The following PLSCR2 variants were observed in gnomAD, a reference collection of about 807,000 sequenced individuals.
The protein encoded by PLSCR2 is phospholipid scramblase 2, also known as PL scramblase 2.
PLSCR2 carries 18 observed loss-of-function variants against 25.3 expected under a neutral mutation model. The observed-to-expected ratio is 0.71, with a 90% confidence interval of 0.49 to 1.06. The LOEUF is 1.06. PLSCR2 is among the 50% of genes least tolerant of loss of function. The probability of loss-of-function intolerance (pLI) is 0.00; values close to 1 mark genes in which losing one functional copy is unlikely to be tolerated. For missense variants in PLSCR2, 243 were observed against 269.5 expected (o/e 0.90, Z 0.69); for synonymous variants, 88 against 87.3 (o/e 1.01, Z -0.04).
chr3:146,479,687 T>TGTTA (rs923812015), intron 1 of PLSCR2, among the ~76,000 whole-genome samples: 64 of 152,208 alleles, frequency 4.2e-4, no homozygotes, highest in African/African-American at 1.4e-3. Context: ...TGAGACAGAA[T>TGTTA]GTTAGCAAGG....
chr3:146,484,222 G>A (rs1395534223), intron 1 of PLSCR2, among the ~76,000 whole-genome samples: 1 of 149,446 alleles, frequency 6.7e-6, no homozygotes, highest in Non-Finnish European at 1.5e-5. Context: ...AAATAAGGCA[G>A]GCATACAAGA....
downstream of PLSCR2, among the ~76,000 whole-genome samples, chr3:146,439,773 C>T (rs940080993): frequency 6.6e-6 from 1 of 152,180 alleles, no homozygotes; most frequent in Non-Finnish European, 1.5e-5. Context: ...CTTCTCTCAA[C>T]TCGTCAAAGT....
At chr3:146,452,877 AC>A (rs1048090234) in intron 5 of PLSCR2, among the ~76,000 whole-genome samples, 1 of 151,868 alleles carries the variant, frequency 6.6e-6, no homozygotes, top group African/African-American at 2.4e-5. Context: ...CATATTACAC[AC>A]TCACATACCC....
intron 1 of PLSCR2, among the ~76,000 whole-genome samples, chr3:146,492,825 T>C (rs186711316): frequency 1.3e-5 from 2 of 152,058 alleles, no homozygotes; most frequent in South Asian, 2.1e-4. Flanking sequence ...GAATATGAGA[T>C]GTGAAAAACC....
intron 2 of PLSCR2, among the ~76,000 whole-genome samples, chr3:146,412,106 GA>G (rs1214743127): frequency 6.6e-6 from 1 of 152,200 alleles, no homozygotes; most frequent in Non-Finnish European, 1.5e-5. Flanking sequence ...ATGATTAAAG[GA>G]AAAGGGAGAG....
chr3:146,406,766 T>C (rs1290144600), intron 2 of PLSCR2, among the ~76,000 whole-genome samples: 1 of 152,080 alleles, frequency 6.6e-6, no homozygotes, highest in Non-Finnish European at 1.5e-5. Flanking sequence ...GTGAGGATGA[T>C]GGTGTGAGGT....
At chr3:146,466,690 C>T (rs1036349414) in intron 1 of PLSCR2, among the ~76,000 whole-genome samples, 10 of 152,144 alleles carry the variant, frequency 6.6e-5, no homozygotes, top group Non-Finnish European at 1.3e-4. Flanking sequence ...TGGGAGTTTT[C>T]CTTTCTTCTT....
exon 1 of PLSCR2, chr3:146,460,255 C>T: frequency 7.3e-7 from 1 of 1,360,580 alleles, no homozygotes; most frequent in Non-Finnish European, 9.4e-7. Context: ...TCTGTGGTTT[C>T]ACATTCACTT....
intron 6 of PLSCR2, among the ~76,000 whole-genome samples, chr3:146,447,778 C>T (rs549584959): frequency 6.6e-6 from 1 of 152,200 alleles, no homozygotes; most frequent in Admixed American, 6.5e-5. Flanking sequence ...GAATTGTGGT[C>T]CTTGTGGCTT....
intron 8 of PLSCR2, among the ~76,000 whole-genome samples, chr3:146,434,544 T>TTA (rs1464787789): frequency 6.6e-6 from 1 of 151,898 alleles, no homozygotes; most frequent in African/African-American, 2.4e-5. Context: ...ATGTAGACTT[T>TTA]TATATATATA....
At chr3:146,488,471 C>A (rs1479814392) in intron 1 of PLSCR2, among the ~76,000 whole-genome samples, 7 of 151,876 alleles carry the variant, frequency 4.6e-5, no homozygotes, top group African/African-American at 7.3e-5. Flanking sequence ...GGAACTTAAA[C>A]AAATTTACAA....
intron 1 of PLSCR2, among the ~76,000 whole-genome samples, chr3:146,480,586 G>A (rs916045492): frequency 2.0e-5 from 3 of 151,852 alleles, no homozygotes; most frequent in East Asian, 1.9e-4. Context: ...TGAAATTGAG[G>A]CAATAATAGC....
At chr3:146,396,176 A>G (rs6440429) in intron 2 of PLSCR2, among the ~76,000 whole-genome samples, 79,909 of 151,974 alleles carry the variant, frequency 0.53, 21,277 homozygotes, top group South Asian at 0.71. Context: ...GTATACACTT[A>G]ATTCATATTA....
intron 2 of PLSCR2, among the ~76,000 whole-genome samples, chr3:146,426,223 C>T (rs2039343491): frequency 1.4e-5 from 2 of 140,078 alleles, no homozygotes; most frequent in South Asian, 2.4e-4. Context: ...CCCTCCTTCC[C>T]TCCCTCCTTC....
downstream of PLSCR2, among the ~76,000 whole-genome samples, chr3:146,439,782 G>A (rs1393430914): frequency 6.6e-6 from 1 of 152,148 alleles, no homozygotes; most frequent in Non-Finnish European, 1.5e-5. Context: ...ACTCGTCAAA[G>A]TCATTCCCCG....
chr3:146,447,460 C>T (rs183805502), intron 6 of PLSCR2, among the ~76,000 whole-genome samples: 1 of 152,188 alleles, frequency 6.6e-6, no homozygotes, highest in East Asian at 1.9e-4. Context: ...AGCAGGTTCC[C>T]TTCTGGCCAG....
At chr3:146,393,131 C>T (rs995236754) in intron 3 of PLSCR2, among the ~76,000 whole-genome samples, 8 of 150,224 alleles carry the variant, frequency 5.3e-5, no homozygotes, top group Non-Finnish European at 7.4e-5. Context: ...CTGGTTCACG[C>T]CATTCTCCTG....
At chr3:146,396,135 T>C (rs1205786193) in intron 2 of PLSCR2, among the ~76,000 whole-genome samples, 1 of 152,178 alleles carries the variant, frequency 6.6e-6, no homozygotes, top group African/African-American at 2.4e-5. Flanking sequence ...TACAACTGAT[T>C]ATATCTATTT....
At chr3:146,458,604 C>G in intron 2 of PLSCR2, 151 bp from the exon 3 acceptor site, 2 of 496,076 alleles carry the variant, frequency 4.0e-6, no homozygotes, top group South Asian at 1.0e-4. Context: ...TATTGTAAAA[C>G]TAAAGTTAAC....
Sources: gnomAD v4.1 joint callset for allele counts (sites outside exome capture counted in the v4.1 genomes callset) on GRCh38, gnomAD v4.1.1 for gene constraint, MANE v1.5 for transcripts, NCBI Gene and HGNC (gene_info 2026-07-23, HGNC 2026-07-21) for gene names.